CNNM1: variants seen among roughly 807,000 people sequenced by gnomAD.
CNNM1 encodes metal transporter CNNM1.
CNNM1 carries 44 observed loss-of-function variants against 78.8 expected under a neutral mutation model. That is an observed-to-expected ratio of 0.56 (90% confidence interval 0.44 to 0.72). CNNM1 has a LOEUF of 0.72. Ranked by LOEUF, CNNM1 falls within the 30% of genes least tolerant of loss-of-function variation. The probability of loss-of-function intolerance (pLI) is 0.00; values close to 1 mark genes in which losing one functional copy is unlikely to be tolerated. For missense variants in CNNM1, 1,101 were observed against 1,292.2 expected (o/e 0.85, Z 2.27); for synonymous variants, 584 against 581.5 (o/e 1.00, Z -0.06).
intron 1 of CNNM1, among the ~76,000 whole-genome samples, chr10:99,331,805 C>T (rs2029929297): frequency 6.6e-6 from 1 of 152,110 alleles, no homozygotes; most frequent in South Asian, 2.1e-4. Flanking sequence ...AACTGTGGTC[C>T]TGTGAAATAG....
intron 9 of CNNM1, among the ~76,000 whole-genome samples, chr10:99,388,640 C>A (rs1388883028): frequency 6.6e-6 from 1 of 152,020 alleles, no homozygotes; most frequent in Non-Finnish European, 1.5e-5. Flanking sequence ...GGATAAGTAT[C>A]CTTATGTTAA....
intron 1 of CNNM1, among the ~76,000 whole-genome samples, chr10:99,342,956 T>C (rs1174780579): frequency 6.6e-6 from 1 of 152,124 alleles, no homozygotes; most frequent in Non-Finnish European, 1.5e-5. Flanking sequence ...TCCCATCTTT[T>C]TTTTTCTTTC....
chr10:99,360,796 T>G, intron 2 of CNNM1, 39 bp from the exon 3 acceptor site: 1 of 1,547,754 alleles, frequency 6.5e-7, no homozygotes. Context: ...ATCAACGTGA[T>G]TCTGAGATAG....
rs17490535 is a variant in CNNM1, at chr10:99,374,454, C to T, written c.2177-2601C>T. Among the ~76,000 whole-genome samples the T allele has an allele frequency of 5.7e-3, 875 of 152,268 alleles. 3 individuals are homozygous for T. Among genetic ancestry groups the T allele is most frequent in the Admixed American group, 0.012 (176 of 15,286 alleles). ...TGAGGCTTCTTGATGCCCTTTGATT[C>T]TAGTTGCACACTATTTTACTCTATC... is the stretch of plus-strand genomic sequence containing the variant. On this transcript the variant is annotated intron_variant, in intron 6 of 10. Transcript: ENST00000356713.
At chr10:99,370,021 A>T in intron 6 of CNNM1, among the ~76,000 whole-genome samples, 1 of 152,224 alleles carries the variant, frequency 6.6e-6, no homozygotes, top group South Asian at 2.1e-4. Flanking sequence ...CTTTTTAATT[A>T]ACCTTCAGTT....
chr10:99,355,882 A>G (rs186716284), intron 1 of CNNM1, among the ~76,000 whole-genome samples: 1 of 152,188 alleles, frequency 6.6e-6, no homozygotes, highest in Admixed American at 6.5e-5. Context: ...GTCATCGCGC[A>G]ATAAAAATGA....
At chr10:99,376,735 C>A (rs12265544) in intron 6 of CNNM1, among the ~76,000 whole-genome samples, 2 of 152,146 alleles carry the variant, frequency 1.3e-5, no homozygotes, top group Non-Finnish European at 2.9e-5. Flanking sequence ...ACCCGTCCCC[C>A]CTGTCTGGGG....
intron 7 of CNNM1, among the ~76,000 whole-genome samples, chr10:99,384,355 T>G (rs993900434): frequency 2.0e-5 from 3 of 152,162 alleles, no homozygotes; most frequent in African/African-American, 7.2e-5. Flanking sequence ...AAAAATTTTT[T>G]TTAAAAAGAG....
intron 1 of CNNM1, among the ~76,000 whole-genome samples, chr10:99,332,664 AATC>A (rs1203501769): frequency 6.6e-6 from 1 of 152,228 alleles, no homozygotes; most frequent in African/African-American, 2.4e-5. Context: ...CAATTTTTGA[AATC>A]ATATTAAATA....
chr10:99,335,555 A>C (rs1455541970), intron 1 of CNNM1, among the ~76,000 whole-genome samples: 1 of 152,142 alleles, frequency 6.6e-6, no homozygotes, highest in Non-Finnish European at 1.5e-5. Context: ...GGAATAATTA[A>C]TGTTGTTCCT....
intron 1 of CNNM1, among the ~76,000 whole-genome samples, chr10:99,331,748 T>A (rs2029927212): frequency 6.6e-6 from 1 of 151,970 alleles, no homozygotes; most frequent in Non-Finnish European, 1.5e-5. Context: ...GTACTCAGGT[T>A]GGGGGTTAAA....
chr10:99,359,949 C>T (rs1319783122), intron 2 of CNNM1, among the ~76,000 whole-genome samples: 1 of 146,206 alleles, frequency 6.8e-6, no homozygotes, highest in Non-Finnish European at 1.5e-5. Context: ...AAAAAAAAAG[C>T]GGGGGCCGGG....
chr10:99,386,312 C>G (rs2032303275), intron 7 of CNNM1, among the ~76,000 whole-genome samples: 1 of 152,160 alleles, frequency 6.6e-6, no homozygotes, highest in African/African-American at 2.4e-5. Context: ...ACCAGGAACA[C>G]AGGAACTTGC....
intron 1 of CNNM1, among the ~76,000 whole-genome samples, chr10:99,339,232 C>T (rs1471857096): frequency 1.3e-5 from 2 of 152,228 alleles, no homozygotes; most frequent in African/African-American, 4.8e-5. Flanking sequence ...TCAGTCTTTG[C>T]TTATTCATTG....
chr10:99,368,210 G>T, intron 6 of CNNM1: 2 of 217,752 alleles, frequency 9.2e-6, no homozygotes, highest in Non-Finnish European at 9.4e-6. Context: ...TACCTGTGCA[G>T]GTGCCCTTGG....
chr10:99,344,028 C>G (rs1460898619), intron 1 of CNNM1, among the ~76,000 whole-genome samples: 1 of 150,526 alleles, frequency 6.6e-6, no homozygotes, highest in Non-Finnish European at 1.5e-5. Flanking sequence ...CGGCCTATTC[C>G]CCTTTTAAGA....
chr10:99,378,815 T>C (rs2032054636), intron 7 of CNNM1, among the ~76,000 whole-genome samples: 1 of 152,232 alleles, frequency 6.6e-6, no homozygotes, highest in Admixed American at 6.5e-5. Flanking sequence ...TGGGTCTTTC[T>C]GCCTCCAGAA....
chr10:99,329,797 G>A lies in CNNM1; in HGVS notation c.410G>A (p.Ser137Asn). 1 of 1,475,834 alleles carries A rather than the reference G, an allele frequency of 6.8e-7. No individual in the cohort carries two copies. The highest frequency in any genetic ancestry group is 8.9e-7 in the Non-Finnish European group (1 of 1,119,946). The allele number at this position is 1,475,834 out of a possible 1,614,324, so 91.4% of individuals were successfully genotyped here. A position where few individuals can be genotyped will look rare whatever the true frequency, so the allele number is the denominator to read the frequency against. ...GGACCGCAGCGCTGCAGGGAGCAGA[G>A]CGACTGGGCATCGGACGTGGAAGTC... ...PPGPQRCREQSDWASDVEVLG... is the reference protein window; with the variant it reads ...PPGPQRCREQNDWASDVEVLG... The change falls in exon 1 of 11, where the codon AGC becomes AAC. Residue 137 changes from serine to asparagine, a missense_variant. By Grantham distance (46) the Ser-to-Asn change is conservative. This residue lies in a region of CNNM1 where 476 missense variants were observed against 484.5 expected (regional missense o/e 0.98). Coordinates refer to ENST00000356713, the MANE Select transcript of CNNM1 (RefSeq NM_020348.3).
At chr10:99,369,452 A>G (rs1418486530) in intron 6 of CNNM1, among the ~76,000 whole-genome samples, 1 of 152,138 alleles carries the variant, frequency 6.6e-6, no homozygotes. Context: ...TGGGGTAATG[A>G]TACTAAGACC....
Sources: allele counts gnomAD v4.1 joint callset (sites outside exome capture counted in the v4.1 genomes callset), GRCh38; gene constraint gnomAD v4.1.1; regional missense constraint gnomAD v4.1.1; transcripts MANE v1.5; gene names NCBI Gene and HGNC (gene_info 2026-07-23, HGNC 2026-07-21).